Variants in KLRG1 observed in about 807,000 individuals in gnomAD.
The protein encoded by KLRG1 is killer cell lectin-like receptor subfamily G member 1.
KLRG1 carries 16 observed loss-of-function variants against 21.8 expected under a neutral mutation model. The observed-to-expected ratio is 0.73, with a 90% CI of 0.50 to 1.11. The LOEUF (loss-of-function observed/expected upper bound fraction) is 1.11, where lower values mean the gene tolerates loss of function less well. Ranked by LOEUF, KLRG1 falls within the 50% of genes most tolerant of loss-of-function variation. The probability of loss-of-function intolerance (pLI) is 0.00; values close to 1 mark genes in which losing one functional copy is unlikely to be tolerated. For missense variants in KLRG1, 173 were observed against 218.3 expected, an observed-to-expected ratio of 0.79 and a Z score of 1.31; for synonymous variants, 69 against 75.9, an observed-to-expected ratio of 0.91 and a Z score of 0.47.
At chr12:9,185,922 C>T in the KLRG1 span, among the ~76,000 whole-genome samples, 6 of 151,718 alleles carry the variant, frequency 4.0e-5, no homozygotes, top group Admixed American at 3.9e-4. Context: ...GTTCTCCTGC[C>T]TCAGCCTCCC....
At chr12:9,098,608 G>A in the KLRG1 span, 43 of 1,597,178 alleles carry the variant, frequency 2.7e-5, no homozygotes, top group Admixed American at 3.5e-5. Flanking sequence ...GGAACTCACC[G>A]AGGACGCCGA....
At chr12:9,124,874 C>T in the KLRG1 span, among the ~76,000 whole-genome samples, 68 of 152,318 alleles carry the variant, frequency 4.5e-4, no homozygotes, top group African/African-American at 1.6e-3. Context: ...GTTGGGATCC[C>T]GGCAGTCAGT....
At chr12:9,174,998 T>C in the KLRG1 span, among the ~76,000 whole-genome samples, 103 of 152,266 alleles carry the variant, frequency 6.8e-4, no homozygotes, top group Admixed American at 2.3e-3. Context: ...GAGCCTGAAT[T>C]GCCAAGACAA....
chr12:9,044,232 G>T, the KLRG1 span, among the ~76,000 whole-genome samples: 3 of 152,130 alleles, frequency 2.0e-5, no homozygotes, highest in Admixed American at 1.3e-4. Context: ...TAGAAAAAAA[G>T]AAACGCATGC....
chr12:9,087,750 T>G, the KLRG1 span, among the ~76,000 whole-genome samples: 70 of 152,238 alleles, frequency 4.6e-4, 1 homozygote, highest in African/African-American at 1.7e-3. Context: ...ATGCTGTATA[T>G]ATATACAATT....
chr12:8,998,547 G>T (rs777014356), intron 3 of KLRG1, among the ~76,000 whole-genome samples: 1 of 151,804 alleles, frequency 6.6e-6, no homozygotes, highest in African/African-American at 2.4e-5. Context: ...AAATTAGCTG[G>T]GTGTGGTGGC....
In KLRG1 at chr12:9,000,191, T is replaced by A. The variant is rs577895621; in HGVS notation, c.357+4903T>A. On this transcript the variant is annotated intron_variant, in intron 3 of 4. Coordinates refer to ENST00000356986, the MANE Select transcript of KLRG1 (RefSeq NM_005810.4). The stretch of plus-strand genomic sequence containing the variant: ...TGAGTATATTGTTTATGAGGAAATC[T>A]GAGATGACATGTCAGAAGATTCAAA... Among the ~76,000 whole-genome samples the A allele has an allele frequency of 1.4e-3, 217 of 152,260 alleles. 2 individuals carry two copies. The highest frequency in any genetic ancestry group is 2.3e-3 in the Non-Finnish European group (158 of 68,030).
intron 1 of KLRG1, among the ~76,000 whole-genome samples, chr12:8,975,030 C>A (rs148354372): frequency 6.6e-6 from 1 of 151,706 alleles, no homozygotes; most frequent in Non-Finnish European, 1.5e-5. Context: ...AGAGTAGCTG[C>A]GATTACAGGC....
chr12:8,977,293 T>C (rs1345603248), intron 1 of KLRG1, among the ~76,000 whole-genome samples: 3 of 151,370 alleles, frequency 2.0e-5, no homozygotes, highest in Non-Finnish European at 2.9e-5. Flanking sequence ...AAGCTCCGCC[T>C]CCTGGGTTCT....
the KLRG1 span, chr12:9,027,971 G>A: frequency 2.0e-6 from 2 of 977,052 alleles, no homozygotes; most frequent in South Asian, 1.3e-5. Context: ...CTTCACAGTT[G>A]TGGTCATTCA....
chr12:9,168,234 C>T, the KLRG1 span, among the ~76,000 whole-genome samples: 1 of 152,124 alleles, frequency 6.6e-6, no homozygotes, highest in Non-Finnish European at 1.5e-5. Context: ...ATGACACACC[C>T]ACTTCACATA....
chr12:9,136,521 G>GTGTGTGCATATA, the KLRG1 span, among the ~76,000 whole-genome samples: 3 of 152,184 alleles, frequency 2.0e-5, no homozygotes, highest in South Asian at 6.2e-4. Context: ...TTGTGCATGT[G>GTGTGTGCATATA]TGTGTGCATA....
At chr12:9,157,342 C>A in the KLRG1 span, 47 of 1,612,850 alleles carry the variant, frequency 2.9e-5, no homozygotes, top group East Asian at 1.0e-3. Context: ...CAGGGCATTG[C>A]GAACAATAGG....
chr12:9,152,068 C>G, the KLRG1 span: 1 of 657,792 alleles, frequency 1.5e-6, no homozygotes, highest in Admixed American at 2.4e-5. Context: ...TAGCTTACGG[C>G]CAACTAAATA....
chr12:9,010,821 A>C (rs1229858261), downstream of KLRG1: 1 of 152,228 alleles, frequency 6.6e-6, no homozygotes, highest in African/African-American at 2.4e-5. Context: ...TGAGAAAAAC[A>C]GTATATCCTA....
chr12:9,046,832 C>T, the KLRG1 span, among the ~76,000 whole-genome samples: 32 of 152,244 alleles, frequency 2.1e-4, no homozygotes, highest in South Asian at 4.2e-4. Context: ...TCATTTTCCT[C>T]ATTCTTGTTC....
chr12:8,961,191 A>G (rs1005490034), intron 1 of KLRG1, among the ~76,000 whole-genome samples: 1 of 152,132 alleles, frequency 6.6e-6, no homozygotes, highest in East Asian at 1.9e-4. Context: ...CAGGAATCTC[A>G]TGTTGCTTGC....
chr12:9,197,091 G>A, the KLRG1 span: 3 of 1,613,222 alleles, frequency 1.9e-6, no homozygotes, highest in African/African-American at 2.7e-5. Context: ...GCTCACAGTT[G>A]CAAGTCCTGG....
At chr12:8,981,262 A>G (rs1002891989) in intron 1 of KLRG1, among the ~76,000 whole-genome samples, 4 of 152,098 alleles carry the variant, frequency 2.6e-5, no homozygotes, top group Non-Finnish European at 5.9e-5. Context: ...TCATGATTTT[A>G]TTAATTTTCC....
Sources: allele counts gnomAD v4.1 joint callset (sites outside exome capture counted in the v4.1 genomes callset), GRCh38; gene constraint gnomAD v4.1.1; transcripts MANE v1.5; gene names NCBI Gene and HGNC (gene_info 2026-07-23, HGNC 2026-07-21).